Variants in SPATA16 observed in about 807,000 individuals in gnomAD.
SPATA16 encodes the protein spermatogenesis associated 16, also known as spermatogenesis-associated protein 16.
A neutral mutation model predicts 63.3 loss-of-function variants in SPATA16; 36 were observed. That is an observed-to-expected ratio of 0.57 (90% CI 0.44 to 0.75). The LOEUF is 0.75. Ranked by LOEUF, SPATA16 falls within the 30% of genes least tolerant of loss-of-function variation. The pLI, the probability that SPATA16 is intolerant of heterozygous loss-of-function variation, is 0.00. For synonymous variants in SPATA16, 203 were observed against 216.7 expected, an observed-to-expected ratio of 0.94 and a Z score of 0.56; for missense variants, 646 against 679.3, an observed-to-expected ratio of 0.95 and a Z score of 0.54.
chr3:173,061,837 G>A (rs909791748), intron 2 of SPATA16, among the ~76,000 whole-genome samples: 1 of 152,176 alleles, frequency 6.6e-6, no homozygotes, highest in South Asian at 2.1e-4. Context: ...AGGGCTAAGA[G>A]ATGTGAAGAA....
intron 6 of SPATA16, among the ~76,000 whole-genome samples, chr3:172,952,809 G>C (rs28716012): frequency 6.6e-6 from 1 of 151,768 alleles, no homozygotes. Context: ...GCATGGTGGC[G>C]TGCCCCTATA....
intron 10 of SPATA16, among the ~76,000 whole-genome samples, chr3:172,893,029 C>G (rs760010955): frequency 6.6e-6 from 1 of 152,018 alleles, no homozygotes; most frequent in Non-Finnish European, 1.5e-5. Context: ...AGGTTCTGAC[C>G]CATCATATGA....
chr3:173,006,957 ATACTT>A (rs1325386798), intron 4 of SPATA16, among the ~76,000 whole-genome samples: 3 of 152,216 alleles, frequency 2.0e-5, no homozygotes, highest in Non-Finnish European at 4.4e-5. Flanking sequence ...TCAAAAATGA[ATACTT>A]TAATGTGTCT....
chr3:172,991,466 C>G (rs1734575878), intron 4 of SPATA16, among the ~76,000 whole-genome samples: 1 of 152,082 alleles, frequency 6.6e-6, no homozygotes, highest in South Asian at 2.1e-4. Context: ...AATGCGTATA[C>G]ATGCACACCT....
At chr3:173,040,563 A>T (rs1013888140) in intron 3 of SPATA16, among the ~76,000 whole-genome samples, 2 of 152,170 alleles carry the variant, frequency 1.3e-5, no homozygotes, top group African/African-American at 4.8e-5. Context: ...GTGGTAGCTG[A>T]ATCTGAGTTC....
rs1214156832 is a variant in SPATA16, at chr3:172,986,773, G to A, written c.849-9721C>T. ...TTTTAAATAGAAAGTGGCAAGGGCA[G>A]TTCTGTGGTTGAGAGAGAGAACCTT... On this transcript the variant is annotated intron_variant, in intron 4 of 10. Coordinates refer to ENST00000351008, the MANE Select transcript of SPATA16 (RefSeq NM_031955.6). Among the ~76,000 whole-genome samples, 6 of 152,314 alleles carry A rather than the reference G, an allele frequency of 3.9e-5. No homozygotes were observed. In the East Asian group the frequency reaches 1.2e-3, roughly 29 times the overall value.
At chr3:173,050,633 C>A in intron 2 of SPATA16, among the ~76,000 whole-genome samples, 1 of 151,502 alleles carries the variant, frequency 6.6e-6, no homozygotes, top group East Asian at 1.9e-4. Flanking sequence ...AAGCTATTAC[C>A]CCTTTTCTGG....
chr3:173,030,484 C>T (rs1289861567), intron 3 of SPATA16, among the ~76,000 whole-genome samples: 1 of 152,000 alleles, frequency 6.6e-6, no homozygotes, highest in Admixed American at 6.6e-5. Flanking sequence ...AAGATGTTTA[C>T]ATCACTAATT....
intron 1 of SPATA16, among the ~76,000 whole-genome samples, chr3:173,132,963 C>G (rs1376227141): frequency 6.6e-6 from 1 of 152,140 alleles, no homozygotes; most frequent in African/African-American, 2.4e-5. Context: ...ACCCCCAACT[C>G]TATAGTGCTT....
rs71162325 is a variant in SPATA16 at position 173,056,705 on chromosome 3, CA to C, written c.613-7612del. ...GAGCAACAGAGTGAGACTCTTGTTT[CA>C]AAAAAAAAAAAAAAAAAAAAAAAGA... On this transcript the variant is annotated intron_variant, in intron 2 of 10. Coordinates refer to ENST00000351008, the MANE Select transcript of SPATA16 (RefSeq NM_031955.6). Among the ~76,000 whole-genome samples the C allele has an allele frequency of 8.4e-3, 620 of 73,538 alleles. 2 individuals carry two copies. Among genetic ancestry groups the C allele is most frequent in the Admixed American group, 9.5e-3 (52 of 5,460 alleles). The allele number at this position is 73,538 out of a possible 152,430, so 48.2% of individuals were successfully genotyped here.
At chr3:173,137,537 T>C (rs1738579115) in intron 1 of SPATA16, among the ~76,000 whole-genome samples, 1 of 152,194 alleles carries the variant, frequency 6.6e-6, no homozygotes, top group South Asian at 2.1e-4. Context: ...ATAAAGCTTC[T>C]ATGAACACTA....
intron 10 of SPATA16, among the ~76,000 whole-genome samples, chr3:172,896,450 T>TG (rs1196903155): frequency 1.2e-4 from 19 of 152,126 alleles, no homozygotes; most frequent in Non-Finnish European, 2.8e-4. Flanking sequence ...CTTGATCTCC[T>TG]GACTTCGTGA....
intron 2 of SPATA16, among the ~76,000 whole-genome samples, chr3:173,102,056 C>A (rs2108326209): frequency 6.6e-6 from 1 of 152,246 alleles, no homozygotes; most frequent in South Asian, 2.1e-4. Context: ...AATCATATAA[C>A]TGCAGTTTAT....
intron 2 of SPATA16, among the ~76,000 whole-genome samples, chr3:173,064,425 T>C (rs1275614431): frequency 2.0e-5 from 3 of 152,004 alleles, no homozygotes; most frequent in Non-Finnish European, 2.9e-5. Flanking sequence ...TTCATGTACA[T>C]TTATAGCAGT....
intron 10 of SPATA16, among the ~76,000 whole-genome samples, chr3:172,890,259 A>G (rs1731866021): frequency 6.6e-6 from 1 of 152,234 alleles, no homozygotes; most frequent in South Asian, 2.1e-4. Flanking sequence ...AGGTAAAATA[A>G]TGTTATACAC....
At chr3:172,944,772 C>T (rs1379181011) in intron 6 of SPATA16, among the ~76,000 whole-genome samples, 2 of 152,096 alleles carry the variant, frequency 1.3e-5, no homozygotes, top group Non-Finnish European at 2.9e-5. Context: ...CCACTTGGAG[C>T]TGTCAAATTC....
At chr3:172,939,043 C>A (rs1033577820) in intron 6 of SPATA16, among the ~76,000 whole-genome samples, 14 of 152,142 alleles carry the variant, frequency 9.2e-5, no homozygotes, top group Admixed American at 3.9e-4. Context: ...ATTAAAAAGT[C>A]TTTAAATCTA....
At chr3:172,973,718 G>A (rs1277278225) in intron 5 of SPATA16, among the ~76,000 whole-genome samples, 4 of 152,152 alleles carry the variant, frequency 2.6e-5, no homozygotes, top group Admixed American at 6.5e-5. Context: ...TAAAGTTCTT[G>A]TAATAAAATT....
chr3:173,005,316 C>CT (rs1182341256), intron 4 of SPATA16, among the ~76,000 whole-genome samples: 1 of 130,346 alleles, frequency 7.7e-6, no homozygotes, highest in African/African-American at 2.9e-5. Context: ...GAGCAAGACT[C>CT]TGTCTCAAAA....
Sources: allele counts gnomAD v4.1 joint callset (sites outside exome capture counted in the v4.1 genomes callset), GRCh38; gene constraint gnomAD v4.1.1; transcripts MANE v1.5; gene names NCBI Gene and HGNC (gene_info 2026-07-23, HGNC 2026-07-21).